The following PPP2R2B variants were observed in gnomAD, a reference collection of about 807,000 sequenced individuals.
PPP2R2B encodes the protein serine/threonine-protein phosphatase 2A 55 kDa regulatory subunit B beta isoform.
Under a neutral mutation model 46.0 loss-of-function variants are expected in PPP2R2B, and 5 were observed. The observed-to-expected ratio is 0.11, with a 90% CI of 0.06 to 0.23. The LOEUF (loss-of-function observed/expected upper bound fraction) is 0.23, where lower values mean the gene tolerates loss of function less well. PPP2R2B is among the 10% of genes least tolerant of loss of function. PPP2R2B has a pLI of 1.00. For missense variants in PPP2R2B, 367 were observed against 575.0 expected (o/e 0.64, Z 3.70); for synonymous variants, 215 against 206.7 (o/e 1.04, Z -0.34).
chr5:147,015,144 T>C (rs949181860), intron 1 of PPP2R2B, among the ~76,000 whole-genome samples: 29 of 152,186 alleles, frequency 1.9e-4, no homozygotes, highest in African/African-American at 6.5e-4. Flanking sequence ...TCCTAGTACA[T>C]AAAACAGTGC....
At chr5:146,867,569 A>G (rs969490016) in intron 2 of PPP2R2B, among the ~76,000 whole-genome samples, 2 of 152,178 alleles carry the variant, frequency 1.3e-5, no homozygotes, top group Non-Finnish European at 2.9e-5. Context: ...GTTGGCAAGA[A>G]AACACTCAGC....
chr5:146,915,008 G>GT (rs1359598782), intron 1 of PPP2R2B, among the ~76,000 whole-genome samples: 1 of 152,136 alleles, frequency 6.6e-6, no homozygotes, highest in Non-Finnish European at 1.5e-5. Flanking sequence ...TCAAGATGTT[G>GT]TTTTTTCTCT....
At chr5:146,637,679 C>T (rs759492028) in intron 7 of PPP2R2B, among the ~76,000 whole-genome samples, 18 of 152,212 alleles carry the variant, frequency 1.2e-4, no homozygotes, top group Non-Finnish European at 1.9e-4. Flanking sequence ...TATGACATGG[C>T]TCTGGCATCC....
At chr5:146,906,117 C>T (rs933202499) in intron 1 of PPP2R2B, among the ~76,000 whole-genome samples, 1 of 151,756 alleles carries the variant, frequency 6.6e-6, no homozygotes, top group Non-Finnish European at 1.5e-5. Flanking sequence ...GATATATTGT[C>T]TGAGTTGAGA....
intron 1 of PPP2R2B, among the ~76,000 whole-genome samples, chr5:146,943,088 C>G (rs992719480): frequency 6.6e-6 from 1 of 152,144 alleles, no homozygotes; most frequent in Admixed American, 6.6e-5. Flanking sequence ...TGAACTACTA[C>G]GCCCGGCCCA....
chr5:146,803,890 G>A (rs187839187), intron 2 of PPP2R2B, among the ~76,000 whole-genome samples: 20 of 152,308 alleles, frequency 1.3e-4, no homozygotes, highest in Non-Finnish European at 1.0e-4. Context: ...TAAGCTGGTT[G>A]GGCACGGTGG....
At chr5:146,663,460 C>T (rs1263813931) in intron 5 of PPP2R2B, among the ~76,000 whole-genome samples, 1 of 133,866 alleles carries the variant, frequency 7.5e-6, no homozygotes, top group Non-Finnish European at 1.6e-5. Flanking sequence ...GAAATCCATC[C>T]TATAAAAACA....
intron 6 of PPP2R2B, among the ~76,000 whole-genome samples, chr5:146,643,587 G>A (rs890212439): frequency 1.3e-5 from 2 of 152,128 alleles, no homozygotes; most frequent in African/African-American, 4.8e-5. Context: ...TGGGGACTCA[G>A]GGGGAAAGGG....
chr5:146,708,279 C>G (rs1461773465), intron 2 of PPP2R2B, among the ~76,000 whole-genome samples: 1 of 151,490 alleles, frequency 6.6e-6, no homozygotes, highest in African/African-American at 2.4e-5. Flanking sequence ...ATCACTTGAG[C>G]CTGGGAGGCA....
chr5:146,967,902 C>T (rs1471427093), intron 1 of PPP2R2B, among the ~76,000 whole-genome samples: 3 of 152,148 alleles, frequency 2.0e-5, no homozygotes, highest in African/African-American at 7.2e-5. Flanking sequence ...AGCAAACAAG[C>T]TAGTGATGGA....
chr5:146,736,194 T>C (rs1253038636), intron 2 of PPP2R2B, among the ~76,000 whole-genome samples: 1 of 152,180 alleles, frequency 6.6e-6, no homozygotes, highest in African/African-American at 2.4e-5. Context: ...ATGTGTTTGC[T>C]TCCCCTTTTG....
At chr5:146,758,260 C>G (rs1371426564) in intron 2 of PPP2R2B, among the ~76,000 whole-genome samples, 1 of 152,128 alleles carries the variant, frequency 6.6e-6, no homozygotes, top group Non-Finnish European at 1.5e-5. Context: ...TCTGTAGCAG[C>G]AAAAGCAACA....
Position 146,585,267 on chromosome 5 carries a change from C to CACACACATACAT in PPP2R2B, c.*4679_*4680insATGTATGTGTGT, listed in dbSNP as rs772637545. On this transcript the variant is annotated 3_prime_UTR_variant, in exon 10 of 10. Coordinates refer to ENST00000394411, the MANE Select transcript of PPP2R2B (RefSeq NM_181675.4). ...ACTTCCATCTACATGCATACACACA[C>CACACACATACAT]ACACACACACACACACACACACACA... 35 of 148,204 alleles carry CACACACATACAT rather than the reference C, an allele frequency of 2.4e-4. No homozygotes were observed. The East Asian group carries it at 3.4e-3, about 14-fold the overall frequency. The allele number at this position is 148,204 out of a possible 1,614,324, so 9.2% of individuals were successfully genotyped here. A position where few individuals can be genotyped will look rare whatever the true frequency, so the allele number is the denominator to read the frequency against.
chr5:147,045,913 T>G (rs980008700), intron 1 of PPP2R2B, among the ~76,000 whole-genome samples: 1 of 152,136 alleles, frequency 6.6e-6, no homozygotes, highest in African/African-American at 2.4e-5. Context: ...CCTAGTTAAG[T>G]TTGACTCATC....
chr5:147,022,521 C>G (rs535288787), intron 1 of PPP2R2B, among the ~76,000 whole-genome samples: 2 of 151,664 alleles, frequency 1.3e-5, no homozygotes, highest in Admixed American at 1.3e-4. Flanking sequence ...GATCATGCCA[C>G]TGCACTCCAG....
intron 2 of PPP2R2B, among the ~76,000 whole-genome samples, chr5:146,826,589 C>T (rs989329556): frequency 2.0e-5 from 3 of 152,130 alleles, no homozygotes; most frequent in African/African-American, 7.2e-5. Flanking sequence ...AGTCAGTATC[C>T]ATGAACCAAC....
chr5:146,718,481 C>A (rs140610565), intron 2 of PPP2R2B, among the ~76,000 whole-genome samples: 1 of 152,210 alleles, frequency 6.6e-6, no homozygotes, highest in East Asian at 1.9e-4. Context: ...TACACACACA[C>A]GTACATTTGG....
At chr5:146,665,879 GCA>G (rs1211917663) in intron 5 of PPP2R2B, among the ~76,000 whole-genome samples, 2 of 152,164 alleles carry the variant, frequency 1.3e-5, no homozygotes, top group Non-Finnish European at 1.5e-5. Flanking sequence ...CCAAAATGTG[GCA>G]CAGAGACATG....
intron 2 of PPP2R2B, among the ~76,000 whole-genome samples, chr5:146,867,103 T>C (rs1761355828): frequency 6.6e-6 from 1 of 152,198 alleles, no homozygotes; most frequent in African/African-American, 2.4e-5. Flanking sequence ...AGGATGATTG[T>C]TTCATATGAA....
Sources: allele counts gnomAD v4.1 joint callset (sites outside exome capture counted in the v4.1 genomes callset), GRCh38; gene constraint gnomAD v4.1.1; transcripts MANE v1.5; gene names NCBI Gene and HGNC (gene_info 2026-07-23, HGNC 2026-07-21).